Variants in MCF2L observed in about 807,000 individuals in gnomAD.
MCF2L encodes the protein MCF.2 cell line derived transforming sequence like.
MCF2L carries 97 observed loss-of-function variants against 153.4 expected under a neutral mutation model. The ratio of observed to expected loss-of-function variants is 0.63; its 90% CI spans 0.54 to 0.75. The LOEUF is 0.75. MCF2L is among the 30% of genes least tolerant of loss of function. The pLI, the probability that MCF2L is intolerant of heterozygous loss-of-function variation, is 0.00. For synonymous variants in MCF2L, 659 were observed against 632.2 expected (o/e 1.04, Z -0.64); for missense variants, 1,347 against 1,495.2 (o/e 0.90, Z 1.64).
At chr13:113,025,082 AGATTTCACCAGGGTGGGGTCC>A in intron 3 of MCF2L, among the ~76,000 whole-genome samples, 1 of 104,972 alleles carries the variant, frequency 9.5e-6, no homozygotes, top group Admixed American at 9.0e-5. Context: ...AGTCCCTGTG[AGATTTCACCAGGGTGGGGTCC>A]CTGCAACTAT....
chr13:113,089,970 C>A, intron 26 of MCF2L: 6 of 1,597,430 alleles, frequency 3.8e-6, no homozygotes, highest in Non-Finnish European at 5.1e-6. Flanking sequence ...GCCGAGCGTG[C>A]AACCCGGAGC....
chr13:113,004,749 G>T (rs534884663), intron 1 of MCF2L, among the ~76,000 whole-genome samples: 1 of 152,210 alleles, frequency 6.6e-6, no homozygotes, highest in African/African-American at 2.4e-5. Context: ...TGTGGCAGCC[G>T]CTGGCCCACG....
Position 112,897,137 on chromosome 13 carries a change from C to T in MCF2L, c.-5+2706C>T, listed in dbSNP as rs374062916. On this transcript the variant is annotated intron_variant, in intron 1 of 29. Coordinates refer to the MCF2L transcript ENST00000375608. ...AAGTCTTGTCCAGGGGCCTTGGTGG[C>T]CTCTGACTCACATGGCCTGTTCATG... Among the ~76,000 whole-genome samples, 12 of 152,194 alleles carry T rather than the reference C, an allele frequency of 7.9e-5. 1 individual carries two copies. Among genetic ancestry groups the T allele is most frequent in the African/African-American group, 2.4e-5 (1 of 41,450 alleles).
intron 1 of MCF2L, among the ~76,000 whole-genome samples, chr13:113,012,806 A>ACCCC: frequency 1.2e-5 from 1 of 84,216 alleles, no homozygotes; most frequent in Non-Finnish European, 2.4e-5. Context: ...CGGACGGTGG[A>ACCCC]CAGGCGGTGT....
rs367840078 is a variant in MCF2L, at chr13:113,024,763, G to A, written c.278+5G>A. The stretch of plus-strand genomic sequence containing the variant: ...CTACCTCACCAGCATCCCCAGGTAC[G>A]TGCACCCAGAGCCCGGCAGACATTG... On this transcript the variant is annotated splice_donor_5th_base_variant and intron_variant, in intron 3 of 29. Transcript: ENST00000535094. The A allele has an allele frequency of 4.9e-4, 787 of 1,607,202 alleles. No individual in the cohort carries two copies. The highest frequency in any genetic ancestry group is 8.2e-4 in the Middle Eastern group (5 of 6,064).
At chr13:113,057,583 GGT>G (rs1316060092) in intron 4 of MCF2L, among the ~76,000 whole-genome samples, 1 of 144,840 alleles carries the variant, frequency 6.9e-6, no homozygotes, top group Non-Finnish European at 1.5e-5. Context: ...GTGTTTGAGT[GGT>G]GTGTGTTTGG....
At chr13:113,016,792 C>T (rs898729089) in intron 2 of MCF2L, among the ~76,000 whole-genome samples, 8 of 152,208 alleles carry the variant, frequency 5.3e-5, no homozygotes, top group Admixed American at 3.3e-4. Flanking sequence ...CTCAGAGGCA[C>T]GCCCTCGTAC....
At chr13:112,978,987 C>T (rs1475980389) in intron 1 of MCF2L, among the ~76,000 whole-genome samples, 1 of 152,244 alleles carries the variant, frequency 6.6e-6, no homozygotes, top group East Asian at 1.9e-4. Flanking sequence ...CCTCTCACCC[C>T]TCGGAAGCAG....
chr13:113,034,228 C>G (rs1016401509), intron 3 of MCF2L: 1 of 148,026 alleles, frequency 6.8e-6, no homozygotes, highest in Non-Finnish European at 1.5e-5. Flanking sequence ...CCTCAACCTT[C>G]CCAGCTCAGG....
chr13:113,017,143 G>A (rs931021578), intron 2 of MCF2L, among the ~76,000 whole-genome samples: 2 of 152,216 alleles, frequency 1.3e-5, no homozygotes, highest in Non-Finnish European at 1.5e-5. Flanking sequence ...CAATCGCCCC[G>A]TCCCCTCCTC....
intron 2 of MCF2L, among the ~76,000 whole-genome samples, chr13:112,955,017 A>C (rs2081740139): frequency 6.6e-6 from 1 of 152,166 alleles, no homozygotes; most frequent in South Asian, 2.1e-4. Flanking sequence ...GGTGACATGG[A>C]TACTTGCATG....
chr13:112,994,819 C>T (rs1277125706), intron 1 of MCF2L, among the ~76,000 whole-genome samples: 2 of 152,342 alleles, frequency 1.3e-5, no homozygotes, highest in South Asian at 2.1e-4. Context: ...GAAAGGCCAC[C>T]GAGGTTGGGG....
In MCF2L at chr13:112,951,635, T is replaced by C. The variant is rs1354059526; in HGVS notation, c.169+49264T>C. Among the ~76,000 whole-genome samples, 5 of 152,142 alleles carry C rather than the reference T, an allele frequency of 3.3e-5. No individual in the cohort carries two copies. The highest frequency in any genetic ancestry group is 1.2e-4 in the African/African-American group (5 of 41,434). On this transcript the variant is annotated intron_variant, in intron 2 of 29. Coordinates refer to the MCF2L transcript ENST00000375608. The surrounding 1 kb of genome is among the most constrained non-coding windows in gnomAD (Gnocchi z 4.8). ...ATGGCAAAAGTGTAGCTGTGGAGAA[T>C]AGTTCAGTGGTTGTGGGGGGTCCAC...
intron 1 of MCF2L, among the ~76,000 whole-genome samples, chr13:112,973,319 T>C (rs1031943758): frequency 1.3e-5 from 2 of 152,224 alleles, no homozygotes; most frequent in Admixed American, 6.5e-5. Context: ...TACGTCTGTG[T>C]GGGTTGCTGA....
At chr13:113,021,314 G>A (rs1313989901) in intron 2 of MCF2L, among the ~76,000 whole-genome samples, 2 of 152,192 alleles carry the variant, frequency 1.3e-5, no homozygotes, top group African/African-American at 2.4e-5. Context: ...TAAACTGAGT[G>A]TGTATCTCAC....
Position 113,045,145 on chromosome 13 carries a change from C to A in MCF2L, c.279-126C>A. 1 of 951,266 alleles carries A rather than the reference C, an allele frequency of 1.1e-6. No homozygotes were observed. Among genetic ancestry groups the A allele is most frequent in the Non-Finnish European group, 1.7e-6 (1 of 594,072 alleles). 58.9% of individuals were successfully genotyped at this position (951,266 alleles called of 1,614,324 possible). On this transcript the variant is annotated intron_variant, in intron 3 of 29. Transcript: ENST00000535094. The surrounding 1 kb of genome is among the most constrained non-coding windows in gnomAD (Gnocchi z 4.2). ...GGCCCCCGTGTGCCATGCCTCTCAC[C>A]TGGTATTGCAGAAATGGCATCATGA...
At chr13:112,971,412 G>C (rs886720645) in intron 1 of MCF2L, among the ~76,000 whole-genome samples, 4 of 152,212 alleles carry the variant, frequency 2.6e-5, no homozygotes, top group African/African-American at 9.6e-5. Flanking sequence ...CACTGATGTG[G>C]CGGCTGGTGT....
chr13:113,026,763 G>A, intron 3 of MCF2L: 1 of 599,246 alleles, frequency 1.7e-6, no homozygotes, highest in South Asian at 2.0e-5. Context: ...AGAAAATCCA[G>A]TTAACAAAAA....
intron 17 of MCF2L, 104 bp from the exon 18 acceptor site, chr13:113,083,894 G>A (rs749640483): frequency 3.5e-5 from 30 of 860,344 alleles, no homozygotes; most frequent in Non-Finnish European, 5.6e-5. Context: ...AGATTGCCCA[G>A]AGCAAGGCGT....
Sources: gnomAD v4.1 joint callset for allele counts (sites outside exome capture counted in the v4.1 genomes callset) on GRCh38, gnomAD v4.1.1 for gene constraint, Gnocchi (gnomAD v3.1) non-coding constraint, MANE v1.5 for transcripts, NCBI Gene and HGNC (gene_info 2026-07-23, HGNC 2026-07-21) for gene names.